Variants in CDH7 observed in about 807,000 individuals in gnomAD.
The protein encoded by CDH7 is cadherin-7.
In CDH7, 25 loss-of-function variants were observed where a neutral mutation model predicts 71.8. The ratio of observed to expected loss-of-function variants is 0.35; its 90% CI spans 0.25 to 0.49. The LOEUF (loss-of-function observed/expected upper bound fraction) is 0.49, where lower values mean the gene tolerates loss of function less well. Among genes scored for constraint, CDH7 ranks in the 20% least tolerant of loss-of-function variants. CDH7 has a pLI of 0.99. For synonymous variants in CDH7, 381 were observed against 363.8 expected (o/e 1.05, Z -0.54); for missense variants, 862 against 974.6 (o/e 0.88, Z 1.54).
chr18:65,765,666 T>G (rs1916337704), intron 2 of CDH7, among the ~76,000 whole-genome samples: 2 of 152,118 alleles, frequency 1.3e-5, no homozygotes, highest in Admixed American at 6.6e-5. Flanking sequence ...TTAGTCATCC[T>G]AACACAATCT....
intron 6 of CDH7, among the ~76,000 whole-genome samples, chr18:65,840,139 A>T (rs914926730): frequency 6.6e-6 from 1 of 152,132 alleles, no homozygotes; most frequent in Admixed American, 6.5e-5. Flanking sequence ...ATGTTTGCAG[A>T]CCCTTGCTTT....
chr18:65,793,858 G>A (rs571647168), intron 2 of CDH7, among the ~76,000 whole-genome samples: 2 of 152,252 alleles, frequency 1.3e-5, no homozygotes, highest in African/African-American at 4.8e-5. Flanking sequence ...CACATGAAAA[G>A]TGTAAGACTT....
At chr18:65,816,028 A>G (rs568565509) in intron 4 of CDH7, among the ~76,000 whole-genome samples, 1 of 152,296 alleles carries the variant, frequency 6.6e-6, no homozygotes. Flanking sequence ...CTTTGCTGCA[A>G]AATAACAGGA....
At chr18:65,766,753 C>A (rs1287926273) in intron 2 of CDH7, among the ~76,000 whole-genome samples, 1 of 151,694 alleles carries the variant, frequency 6.6e-6, no homozygotes, top group Non-Finnish European at 1.5e-5. Flanking sequence ...TTATATCACC[C>A]CTCCCGTGGC....
chr18:65,763,453 G>A (rs934514038), intron 2 of CDH7, among the ~76,000 whole-genome samples: 3 of 152,046 alleles, frequency 2.0e-5, no homozygotes, highest in Non-Finnish European at 4.4e-5. Flanking sequence ...TTAAAATGAT[G>A]TCCAGACTAA....
chr18:65,865,168 G>A (rs2144043748), intron 11 of CDH7: 1 of 152,154 alleles, frequency 6.6e-6, no homozygotes, highest in Non-Finnish European at 1.5e-5. Context: ...CTTTGACTTT[G>A]GGATTTTTTG....
chr18:65,829,542 T>C (rs1912259039), intron 6 of CDH7, among the ~76,000 whole-genome samples: 1 of 151,524 alleles, frequency 6.6e-6, no homozygotes, highest in African/African-American at 2.4e-5. Flanking sequence ...TCAGTTTCAC[T>C]CAACAATCTA....
chr18:65,791,596 T>G lies in CDH7; in HGVS notation c.211-18108T>G, dbSNP rs114206026. On this transcript the variant is annotated intron_variant, in intron 2 of 11. Coordinates refer to ENST00000397968, the MANE Select transcript of CDH7 (RefSeq NM_004361.5). The stretch of plus-strand genomic sequence containing the variant: ...CTGGGCCATTCTCTATTTAATCCCA[T>G]GTCAGATGCTGTGAATTCTCAGTGC... Among the ~76,000 whole-genome samples, 1,360 of 152,310 alleles carry G rather than the reference T, an allele frequency of 8.9e-3. 23 individuals carry two copies. Among genetic ancestry groups the G allele is most frequent in the African/African-American group, 0.031 (1,290 of 41,590 alleles).
chr18:65,846,670 G>T (rs1036786543), intron 7 of CDH7, among the ~76,000 whole-genome samples: 7 of 152,082 alleles, frequency 4.6e-5, no homozygotes, highest in African/African-American at 1.7e-4. Flanking sequence ...TGTTGCATAT[G>T]CATTACTCTC....
chr18:65,813,409 C>A (rs992525152), intron 3 of CDH7, among the ~76,000 whole-genome samples: 4 of 151,840 alleles, frequency 2.6e-5, no homozygotes, highest in African/African-American at 9.7e-5. Flanking sequence ...ATAATTTCCA[C>A]GTAATTTTAA....
chr18:65,766,570 G>A (rs888146439), intron 2 of CDH7, among the ~76,000 whole-genome samples: 1 of 152,022 alleles, frequency 6.6e-6, no homozygotes, highest in Non-Finnish European at 1.5e-5. Flanking sequence ...GAAATAAGTT[G>A]ATAAATGTAT....
intron 2 of CDH7, among the ~76,000 whole-genome samples, chr18:65,787,330 G>T (rs1910553126): frequency 6.6e-6 from 1 of 152,052 alleles, no homozygotes; most frequent in African/African-American, 2.4e-5. Flanking sequence ...CCAAATTATT[G>T]CTTCTGTTGC....
intron 2 of CDH7, among the ~76,000 whole-genome samples, chr18:65,776,635 T>C (rs1942833): frequency 6.6e-6 from 1 of 151,754 alleles, no homozygotes; most frequent in South Asian, 2.1e-4. Flanking sequence ...CTTCTTTCTC[T>C]CTCTTTTTCT....
At position 65,814,123 on chromosome 18, in the gene CDH7, A is replaced by G. The variant is rs116404879; in HGVS notation, c.506-362A>G. 4.4e-3 allele frequency among the ~76,000 whole-genome samples: 670 copies of G among 152,238 alleles called. 6 individuals are homozygous for G. Among genetic ancestry groups the G allele is most frequent in the African/African-American group, 0.015 (629 of 41,534 alleles). On this transcript the variant is annotated intron_variant, in intron 3 of 11. Coordinates refer to ENST00000397968, the MANE Select transcript of CDH7 (RefSeq NM_004361.5). Reference sequence around the variant, plus strand: ...CTTGCTGCTTTCTAGACAGTGATTGAGTCTTATAGAAGCTGCTCTTGATGA... The same window carrying G: ...CTTGCTGCTTTCTAGACAGTGATTGGGTCTTATAGAAGCTGCTCTTGATGA...
intron 4 of CDH7, among the ~76,000 whole-genome samples, chr18:65,818,535 CT>C (rs755660816): frequency 1.2e-4 from 18 of 152,082 alleles, no homozygotes; most frequent in Non-Finnish European, 2.1e-4. Flanking sequence ...TGAATATGTA[CT>C]ATATTTCTAA....
In CDH7 at chr18:65,819,850, G is replaced by C. The variant is rs115533732; in HGVS notation, c.626-2231G>C. Among the ~76,000 whole-genome samples the C allele has an allele frequency of 8.9e-3, 1,344 of 151,182 alleles. 16 individuals carry two copies. Among genetic ancestry groups the C allele is most frequent in the African/African-American group, 0.031 (1,267 of 41,274 alleles). ...ACAGCGTGAATCTCCCCAGCCCCTG[G>C]TTATTAATCCTTGGGTTCATGTGGT... On this transcript the variant is annotated intron_variant, in intron 4 of 11. Coordinates refer to ENST00000397968, the MANE Select transcript of CDH7 (RefSeq NM_004361.5).
At chr18:65,821,846 A>G (rs561235402) in intron 4 of CDH7, among the ~76,000 whole-genome samples, 1 of 152,276 alleles carries the variant, frequency 6.6e-6, no homozygotes, top group South Asian at 2.1e-4. Context: ...AAACCTAAAG[A>G]TAATCCTCTT....
intron 3 of CDH7, among the ~76,000 whole-genome samples, chr18:65,811,158 A>G (rs543867300): frequency 1.2e-3 from 174 of 147,794 alleles, no homozygotes; most frequent in Middle Eastern, 3.5e-3. Flanking sequence ...GTATTTTAAC[A>G]CATGGGTATT....
chr18:65,828,802 C>T (rs569281926), intron 6 of CDH7, among the ~76,000 whole-genome samples: 6 of 152,112 alleles, frequency 3.9e-5, no homozygotes, highest in Admixed American at 2.0e-4. Context: ...ATATGTAATT[C>T]ACAGTTTATG....
Sources: allele counts gnomAD v4.1 joint callset (sites outside exome capture counted in the v4.1 genomes callset), GRCh38; gene constraint gnomAD v4.1.1; transcripts MANE v1.5; gene names NCBI Gene and HGNC (gene_info 2026-07-23, HGNC 2026-07-21).